The following GRIA4 variants were observed in gnomAD, a reference collection of about 807,000 sequenced individuals.
GRIA4 encodes glutamate ionotropic receptor AMPA type subunit 4.
A neutral mutation model predicts 104.0 loss-of-function variants in GRIA4; 34 were observed. The ratio of observed to expected loss-of-function variants is 0.33; its 90% confidence interval spans 0.25 to 0.44. The LOEUF (loss-of-function observed/expected upper bound fraction) is 0.44, where lower values mean the gene tolerates loss of function less well. Among genes scored for constraint, GRIA4 ranks in the 20% least tolerant of loss-of-function variants. The pLI is 1.00. For synonymous variants in GRIA4, 386 were observed against 381.9 expected (o/e 1.01, Z -0.13); for missense variants, 750 against 1,096.5 (o/e 0.68, Z 4.46).
rs1937661167 is a variant in GRIA4 at position 105,719,774 on chromosome 11, T to TG, written c.248-33204dup. ...AGGCTCTATAGGGAAAGTCAATGAT[T>TG]GGGAAAAAAAAAAAAGCCTGAGTTG... On this transcript the variant is annotated intron_variant, in intron 3 of 16. Transcript: ENST00000282499. Among the ~76,000 whole-genome samples, 3 of 150,028 alleles carry TG rather than the reference T, an allele frequency of 2.0e-5. No homozygotes were observed. In the Middle Eastern group the frequency reaches 0.01, roughly 517 times the overall value.
intron 4 of GRIA4, among the ~76,000 whole-genome samples, chr11:105,859,411 C>A (rs1945135866): frequency 6.6e-6 from 1 of 152,106 alleles, no homozygotes; most frequent in African/African-American, 2.4e-5. Context: ...GATTCCAATT[C>A]TAGTGTCATT....
At chr11:105,806,917 A>G (rs1270292839) in intron 4 of GRIA4, among the ~76,000 whole-genome samples, 1 of 151,882 alleles carries the variant, frequency 6.6e-6, no homozygotes, top group Non-Finnish European at 1.5e-5. Flanking sequence ...GAAGTGTAAC[A>G]TTGACAAAAT....
At chr11:105,893,049 T>C (rs1185715228) in intron 6 of GRIA4, among the ~76,000 whole-genome samples, 1 of 152,140 alleles carries the variant, frequency 6.6e-6, no homozygotes, top group Non-Finnish European at 1.5e-5. Flanking sequence ...CCAAAAGATG[T>C]ATGAACTACA....
At chr11:105,902,735 T>G (rs1747621346) in intron 7 of GRIA4, among the ~76,000 whole-genome samples, 1 of 152,300 alleles carries the variant, frequency 6.6e-6, no homozygotes, top group South Asian at 2.1e-4. Context: ...ACAAATCTAC[T>G]GCTCAAACAG....
rs1859248718 is a variant in GRIA4 at position 105,981,553 on chromosome 11, T to TCACACACACAAA, written c.*1824_*1825insAACACACACACA. On this transcript the variant is annotated 3_prime_UTR_variant, in exon 17 of 17. Transcript: ENST00000282499. ...TAAGAGCAATCTTAAACAGTATAAA[T>TCACACACACAAA]CACACACACACACACACACACACAC... 1 of 134,020 alleles carries TCACACACACAAA rather than the reference T, an allele frequency of 7.5e-6. No homozygotes were observed. Among genetic ancestry groups the TCACACACACAAA allele is most frequent in the African/African-American group, 2.9e-5 (1 of 34,748 alleles). The allele number at this position is 134,020 out of a possible 1,614,324, so 8.3% of individuals were successfully genotyped here.
intron 4 of GRIA4, among the ~76,000 whole-genome samples, chr11:105,861,025 A>T (rs535479082): frequency 6.6e-6 from 1 of 151,840 alleles, no homozygotes; most frequent in East Asian, 1.9e-4. Context: ...TGGCCTGAAG[A>T]TATATTGCAT....
chr11:105,964,805 G>GTTTTTTTTTTTTTTTTTTTTTT (rs1565369695), intron 14 of GRIA4, among the ~76,000 whole-genome samples: 2 of 141,362 alleles, frequency 1.4e-5, no homozygotes, highest in South Asian at 2.1e-4. Flanking sequence ...TTTTTTTTTT[G>GTTTTTTTTTTTTTTTTTTTTTT]TTTGTTTGTT....
chr11:105,916,531 A>G (rs1367457263), intron 10 of GRIA4, among the ~76,000 whole-genome samples: 1 of 152,188 alleles, frequency 6.6e-6, no homozygotes, highest in East Asian at 1.9e-4. Context: ...GGCACACTTG[A>G]CTTATTTTTG....
At chr11:105,645,590 G>A (rs767926151) in intron 3 of GRIA4, among the ~76,000 whole-genome samples, 3 of 152,086 alleles carry the variant, frequency 2.0e-5, no homozygotes, top group Non-Finnish European at 4.4e-5. Context: ...AACAACAAAA[G>A]CAACAAAGAA....
chr11:105,980,405 T>A lies in GRIA4; in HGVS notation c.*666T>A, dbSNP rs1227017809. 2 of 152,642 alleles carry A rather than the reference T, an allele frequency of 1.3e-5. No homozygotes were observed. The highest frequency in any genetic ancestry group is 2.9e-5 in the Non-Finnish European group (2 of 68,046). 9.5% of individuals were successfully genotyped at this position (152,642 alleles called of 1,614,324 possible). On this transcript the variant is annotated 3_prime_UTR_variant, in exon 17 of 17. Coordinates refer to ENST00000282499, the MANE Select transcript of GRIA4 (RefSeq NM_000829.4). Reference sequence around the variant, plus strand: ...TTAGGGAACAATACATTGCAATAATTGATATAAATGCCATCACTGTAATAA... The same window carrying A: ...TTAGGGAACAATACATTGCAATAATAGATATAAATGCCATCACTGTAATAA...
intron 5 of GRIA4, among the ~76,000 whole-genome samples, chr11:105,862,826 A>G (rs1166161288): frequency 6.6e-6 from 1 of 152,238 alleles, no homozygotes; most frequent in Non-Finnish European, 1.5e-5. Context: ...TGAAGCAGCC[A>G]GGAAAAGATT....
At chr11:105,677,555 A>G (rs1952578105) in intron 3 of GRIA4, among the ~76,000 whole-genome samples, 1 of 151,944 alleles carries the variant, frequency 6.6e-6, no homozygotes, top group Admixed American at 6.6e-5. Context: ...CTCCTACCAA[A>G]AAAGAAAAGC....
At chr11:105,677,372 T>G (rs1329409201) in intron 3 of GRIA4, among the ~76,000 whole-genome samples, 1 of 151,880 alleles carries the variant, frequency 6.6e-6, no homozygotes, top group Non-Finnish European at 1.5e-5. Context: ...ATAATTGAGA[T>G]AGCATTATAA....
intron 3 of GRIA4, among the ~76,000 whole-genome samples, chr11:105,685,524 A>G (rs1235392475): frequency 1.3e-5 from 2 of 152,234 alleles, no homozygotes; most frequent in African/African-American, 4.8e-5. Context: ...GTCTACTAAA[A>G]GAGTGCTAGT....
intron 3 of GRIA4, among the ~76,000 whole-genome samples, chr11:105,617,503 C>A (rs143139705): frequency 6.6e-6 from 1 of 151,894 alleles, no homozygotes; most frequent in African/African-American, 2.4e-5. Flanking sequence ...AAGATAACAT[C>A]TATATTGAGC....
chr11:105,676,205 T>C (rs957202638), intron 3 of GRIA4, among the ~76,000 whole-genome samples: 35 of 151,740 alleles, frequency 2.3e-4, no homozygotes, highest in African/African-American at 7.5e-4. Context: ...TAAATTACTA[T>C]AGAAAATTTA....
At chr11:105,765,574 T>C (rs1429006169) in intron 4 of GRIA4, among the ~76,000 whole-genome samples, 12 of 152,240 alleles carry the variant, frequency 7.9e-5, no homozygotes. Context: ...TCACAATGTC[T>C]AGTTTATCAG....
At chr11:105,652,934 G>A (rs1951724448) in intron 3 of GRIA4, among the ~76,000 whole-genome samples, 2 of 148,756 alleles carry the variant, frequency 1.3e-5, no homozygotes, top group African/African-American at 5.1e-5. Flanking sequence ...TTGACACAGA[G>A]TCTGGCTCTG....
chr11:105,680,956 T>C (rs1481374583), intron 3 of GRIA4, among the ~76,000 whole-genome samples: 1 of 152,168 alleles, frequency 6.6e-6, no homozygotes, highest in Non-Finnish European at 1.5e-5. Context: ...TCCCAATCAC[T>C]CTGGACTCAG....
Sources: allele counts gnomAD v4.1 joint callset (sites outside exome capture counted in the v4.1 genomes callset), GRCh38; gene constraint gnomAD v4.1.1; transcripts MANE v1.5; gene names NCBI Gene and HGNC (gene_info 2026-07-23, HGNC 2026-07-21).